Variants in TMEM200A observed in about 807,000 individuals in gnomAD.
TMEM200A encodes transmembrane protein 200A.
In TMEM200A, 12 loss-of-function variants were observed where a neutral mutation model predicts 24.3. The ratio of observed to expected loss-of-function variants is 0.49; its 90% CI spans 0.32 to 0.80. The LOEUF is 0.80. TMEM200A is among the 30% of genes least tolerant of loss of function. TMEM200A has a pLI of 0.04. For missense variants in TMEM200A, 545 were observed against 614.4 expected, an observed-to-expected ratio of 0.89 and a Z score of 1.19; for synonymous variants, 224 against 224.4, an observed-to-expected ratio of 1.00 and a Z score of 0.02.
At chr6:130,387,918 A>T (rs143230994) in intron 2 of TMEM200A, among the ~76,000 whole-genome samples, 1 of 152,236 alleles carries the variant, frequency 6.6e-6, no homozygotes, top group East Asian at 1.9e-4. Flanking sequence ...GAAAGAATAC[A>T]AAAGTGTAAG....
At chr6:130,365,771 C>G, upstream of TMEM200A, 3 of 985,436 alleles carry the variant, frequency 3.0e-6, no homozygotes, top group Non-Finnish European at 3.6e-6. Context: ...TTTGGGCTCT[C>G]GAAGTGCAAC....
At chr6:130,411,471 T>C (rs1280186584) in intron 2 of TMEM200A, among the ~76,000 whole-genome samples, 2 of 152,198 alleles carry the variant, frequency 1.3e-5, no homozygotes, top group African/African-American at 4.8e-5. Flanking sequence ...AGCACTAACA[T>C]TGGTATATTA....
intron 2 of TMEM200A, among the ~76,000 whole-genome samples, chr6:130,426,463 C>CCCG (rs796560444): frequency 2.1e-5 from 3 of 143,488 alleles, no homozygotes; most frequent in African/African-American, 8.2e-5. Flanking sequence ...TTCTGCAGCC[C>CCCG]CCCCCCCCTC....
At chr6:130,410,244 C>T (rs577908396) in intron 2 of TMEM200A, among the ~76,000 whole-genome samples, 6 of 152,156 alleles carry the variant, frequency 3.9e-5, no homozygotes, top group South Asian at 2.1e-4. Flanking sequence ...CCAACCTCAT[C>T]GCTTTGGCTT....
At chr6:130,371,981 A>G (rs1778331738) in intron 1 of TMEM200A, among the ~76,000 whole-genome samples, 1 of 152,218 alleles carries the variant, frequency 6.6e-6, no homozygotes, top group Non-Finnish European at 1.5e-5. Context: ...CTAAATCTTC[A>G]TTATAATTCC....
chr6:130,425,018 T>G (rs1779696628), intron 2 of TMEM200A, among the ~76,000 whole-genome samples: 1 of 152,036 alleles, frequency 6.6e-6, no homozygotes, highest in African/African-American at 2.4e-5. Flanking sequence ...TCTTACTCCA[T>G]CCCCAGAGTT....
intron 2 of TMEM200A, among the ~76,000 whole-genome samples, chr6:130,390,257 C>T (rs1778804841): frequency 6.6e-6 from 1 of 152,182 alleles, no homozygotes; most frequent in African/African-American, 2.4e-5. Flanking sequence ...GAAATAAGAT[C>T]TCATTATACC....
chr6:130,382,244 G>C (rs559374077), intron 1 of TMEM200A, among the ~76,000 whole-genome samples: 5 of 152,334 alleles, frequency 3.3e-5, no homozygotes, highest in African/African-American at 1.2e-4. Flanking sequence ...TGTAAGTGAA[G>C]ATCTGGCACA....
At chr6:130,375,858 G>A (rs953969279) in intron 1 of TMEM200A, among the ~76,000 whole-genome samples, 2 of 152,094 alleles carry the variant, frequency 1.3e-5, no homozygotes, top group African/African-American at 2.4e-5. Flanking sequence ...TTGGTATTGG[G>A]AGCAAAAACA....
At chr6:130,369,270 G>C (rs1331489005) in intron 1 of TMEM200A, among the ~76,000 whole-genome samples, 1 of 152,194 alleles carries the variant, frequency 6.6e-6, no homozygotes, top group Non-Finnish European at 1.5e-5. Flanking sequence ...GAGCAGAAAG[G>C]TGATGAAGCT....
chr6:130,422,963 A>T (rs1779637910), intron 2 of TMEM200A, among the ~76,000 whole-genome samples: 2 of 152,230 alleles, frequency 1.3e-5, no homozygotes, highest in Admixed American at 1.3e-4. Context: ...CATTTAGTTG[A>T]CTAAGCTAGA....
chr6:130,405,460 T>C (rs1779183104), intron 2 of TMEM200A, among the ~76,000 whole-genome samples: 1 of 152,144 alleles, frequency 6.6e-6, no homozygotes, highest in South Asian at 2.1e-4. Context: ...TAAGAATTGC[T>C]CTTATCACTT....
chr6:130,409,367 A>C (rs1211263405), intron 2 of TMEM200A, among the ~76,000 whole-genome samples: 1 of 152,198 alleles, frequency 6.6e-6, no homozygotes, highest in African/African-American at 2.4e-5. Flanking sequence ...AAACTTTATA[A>C]AATGAAGTCA....
At position 130,441,129 on chromosome 6, in the gene TMEM200A, G is replaced by C; in HGVS notation, c.707G>C (p.Gly236Ala). 6.2e-7 allele frequency: 1 copy of C among 1,614,020 alleles called. No individual in the cohort carries two copies. Among genetic ancestry groups the C allele is most frequent in the East Asian group, 2.2e-5 (1 of 44,830 alleles). ...GAGGATGAACTTATGTTAAATGAAGGTAAGAGTTCTGGGCATCTTATGCCC... is the reference window on the plus strand; with the variant it reads ...GAGGATGAACTTATGTTAAATGAAGCTAAGAGTTCTGGGCATCTTATGCCC... ...VEEDELMLNE[G>A]KSSGHLMPPL... Residue 236 changes from glycine to alanine, a missense_variant, in exon 3 of 3, where the codon GGT (glycine) becomes GCT (alanine). Physicochemically the swap from Gly to Ala is moderately conservative, Grantham distance 60. Transcript: ENST00000296978.
chr6:130,422,711 C>A (rs889890436), intron 2 of TMEM200A, among the ~76,000 whole-genome samples: 1 of 152,154 alleles, frequency 6.6e-6, no homozygotes, highest in Admixed American at 6.6e-5. Context: ...AACATGGGAA[C>A]TGTTTTGTAC....
chr6:130,428,206 A>G, intron 2 of TMEM200A, among the ~76,000 whole-genome samples: 1 of 152,162 alleles, frequency 6.6e-6, no homozygotes, highest in East Asian at 1.9e-4. Flanking sequence ...AGCAATCTCA[A>G]AAATCCCAGG....
intron 2 of TMEM200A, among the ~76,000 whole-genome samples, chr6:130,391,029 G>A (rs1426406698): frequency 3.9e-5 from 6 of 152,128 alleles, no homozygotes; most frequent in African/African-American, 7.2e-5. Flanking sequence ...TGTCCTCTGC[G>A]GGACAAAAAT....
chr6:130,414,079 C>A (rs1463827760), intron 2 of TMEM200A, among the ~76,000 whole-genome samples: 1 of 152,064 alleles, frequency 6.6e-6, no homozygotes, highest in Non-Finnish European at 1.5e-5. Context: ...AACAACAAAA[C>A]CTGCTTCTCA....
intron 1 of TMEM200A, among the ~76,000 whole-genome samples, chr6:130,372,188 G>C (rs1020261481): frequency 2.6e-5 from 4 of 152,110 alleles, no homozygotes. Context: ...AGCAGGACAA[G>C]GTCAATATCA....
Sources: gnomAD v4.1 joint callset for allele counts (sites outside exome capture counted in the v4.1 genomes callset) on GRCh38, gnomAD v4.1.1 for gene constraint, MANE v1.5 for transcripts, NCBI Gene and HGNC (gene_info 2026-07-23, HGNC 2026-07-21) for gene names.